The following LIX1 variants were observed in gnomAD, a reference collection of about 807,000 sequenced individuals.
The protein encoded by LIX1 is protein limb expression 1 homolog.
Under a neutral mutation model 33.4 loss-of-function variants are expected in LIX1, and 24 were observed. That is an observed-to-expected ratio of 0.72 (90% CI 0.52 to 1.01). The LOEUF (loss-of-function observed/expected upper bound fraction) is 1.01, where lower values mean the gene tolerates loss of function less well. Among genes scored for constraint, LIX1 ranks in the 50% least tolerant of loss-of-function variants. LIX1 has a pLI of 0.00. For missense variants in LIX1, 311 were observed against 339.2 expected (o/e 0.92, Z 0.65); for synonymous variants, 124 against 124.0 (o/e 1.00, Z 0.00).
At chr5:97,111,306 A>C (rs1747379487) in intron 2 of LIX1, among the ~76,000 whole-genome samples, 1 of 152,232 alleles carries the variant, frequency 6.6e-6, no homozygotes, top group Non-Finnish European at 1.5e-5. Flanking sequence ...TCGTAAAGAA[A>C]AGAATGAAAG....
rs1432572982 is a variant in LIX1, at chr5:97,142,355, C to G, written c.82+140G>C. ...ATGAAATCGTTCTTCTGGCTGAAGT[C>G]AGGAACAAGTTAAAATATCACTTAG... On this transcript the variant is annotated intron_variant, in intron 1 of 5. Coordinates refer to ENST00000274382, the MANE Select transcript of LIX1 (RefSeq NM_153234.5). 6.5e-6 allele frequency: 4 copies of G among 616,104 alleles called. No individual in the cohort carries two copies. In the East Asian group the frequency reaches 8.4e-5, roughly 13 times the overall value. The allele number at this position is 616,104 out of a possible 1,614,324, so 38.2% of individuals were successfully genotyped here. A position where few individuals can be genotyped will look rare whatever the true frequency, so the allele number is the denominator to read the frequency against.
At position 97,094,914 on chromosome 5, in the gene LIX1, G is replaced by A. The variant is rs1746292343; in HGVS notation, c.683C>T (p.Ala228Val). ...PGIVSQELRM[A>V]LRQLEEARKA... ...CCTGGCTTCCTCCAACTGCCTCAGG[G>A]CCATTCGTAGCTCTTGAGAGACAAT... Residue 228 changes from alanine (A) to valine (V), a missense_variant, in exon 6 of 6, where the codon GCC becomes GTC. Physicochemically the swap from Ala to Val is moderately conservative, Grantham distance 64 (BLOSUM62 0). Coordinates refer to ENST00000274382, the MANE Select transcript of LIX1 (RefSeq NM_153234.5). 6.2e-7 allele frequency: 1 copy of A among 1,614,016 alleles called. No homozygotes were observed. Among genetic ancestry groups the A allele is most frequent in the South Asian group, 1.1e-5 (1 of 91,088 alleles).
intron 1 of LIX1, among the ~76,000 whole-genome samples, chr5:97,135,894 A>T (rs1279159624): frequency 6.6e-6 from 1 of 152,190 alleles, no homozygotes; most frequent in Non-Finnish European, 1.5e-5. Context: ...CAACCAATAA[A>T]GGATTAGTCA....
chr5:97,105,568 A>G (rs1440089783), intron 3 of LIX1, among the ~76,000 whole-genome samples: 1 of 152,212 alleles, frequency 6.6e-6, no homozygotes, highest in African/African-American at 2.4e-5. Flanking sequence ...TAACATTTGC[A>G]TGGCTGAGCT....
At chr5:97,117,737 A>G (rs1747672031) in intron 2 of LIX1, among the ~76,000 whole-genome samples, 1 of 152,198 alleles carries the variant, frequency 6.6e-6, no homozygotes, top group Admixed American at 6.6e-5. Context: ...TAGTTTTTCT[A>G]GATATCAGCA....
At chr5:97,096,659 T>C (rs956718472) in intron 5 of LIX1, 151 bp downstream of exon 5, 6 of 619,352 alleles carry the variant, frequency 9.7e-6, no homozygotes, top group African/African-American at 7.4e-5. Context: ...GGGGCTGTTC[T>C]ATATATTTCT....
chr5:97,124,814 A>C (rs1177115504), intron 1 of LIX1, among the ~76,000 whole-genome samples, 185 bp from the exon 2 acceptor site: 1 of 152,192 alleles, frequency 6.6e-6, no homozygotes, highest in Non-Finnish European at 1.5e-5. Flanking sequence ...AATATATTTA[A>C]AGTATGTTAA....
rs1298604031 is a variant in LIX1 at position 97,092,089 on chromosome 5, G to C, written c.*2659C>G. ...GCTACCTGGGCTATGTCTGAGTTAT[G>C]TTGGATCCCTGATGTAAAGTTTGAC... On this transcript the variant is annotated 3_prime_UTR_variant, in exon 6 of 6. Coordinates refer to ENST00000274382, the MANE Select transcript of LIX1 (RefSeq NM_153234.5). The C allele has an allele frequency of 6.6e-6, 1 of 152,352 alleles. No homozygotes were observed. Among genetic ancestry groups the C allele is most frequent in the Non-Finnish European group, 1.5e-5 (1 of 68,030 alleles). The allele number at this position is 152,352 out of a possible 1,614,324, so 9.4% of individuals were successfully genotyped here.
At chr5:97,109,007 C>T (rs1747219201) in intron 2 of LIX1, among the ~76,000 whole-genome samples, 1 of 152,172 alleles carries the variant, frequency 6.6e-6, no homozygotes, top group Non-Finnish European at 1.5e-5. Flanking sequence ...TATCTGCCCT[C>T]TGTTGACTAT....
chr5:97,142,216 T>C (rs1371350677), intron 1 of LIX1, among the ~76,000 whole-genome samples: 3 of 152,188 alleles, frequency 2.0e-5, no homozygotes, highest in Admixed American at 6.5e-5. Context: ...TTAAAAAGCA[T>C]CAGAAAAAGT....
chr5:97,136,637 T>C (rs80128405), intron 1 of LIX1, among the ~76,000 whole-genome samples: 416 of 152,170 alleles, frequency 2.7e-3, no homozygotes, highest in African/African-American at 9.6e-3. Flanking sequence ...GTAAACTAAA[T>C]AGCACAGGCC....
intron 4 of LIX1, among the ~76,000 whole-genome samples, chr5:97,097,755 A>G (rs988632480): frequency 6.6e-6 from 1 of 152,230 alleles, no homozygotes; most frequent in Admixed American, 6.5e-5. Context: ...ATTAGGCTTA[A>G]TAGATCAAAT....
At chr5:97,137,267 T>C (rs1237284877) in intron 1 of LIX1, 1 of 288,862 alleles carries the variant, frequency 3.5e-6, no homozygotes, top group Non-Finnish European at 6.9e-6. Flanking sequence ...AGGTCCCAGA[T>C]TTGATCTCAC....
intron 2 of LIX1, among the ~76,000 whole-genome samples, chr5:97,121,304 C>G (rs920371375): frequency 1.4e-4 from 21 of 152,100 alleles, no homozygotes; most frequent in African/African-American, 5.1e-4. Flanking sequence ...TATGTTGGGC[C>G]ATTTCCATTT....
At chr5:97,131,986 C>T (rs549798577) in intron 1 of LIX1, among the ~76,000 whole-genome samples, 1 of 152,178 alleles carries the variant, frequency 6.6e-6, no homozygotes, top group Non-Finnish European at 1.5e-5. Context: ...TGTACCTTCA[C>T]AAGAACTAGT....
At chr5:97,131,500 A>G (rs1423960440) in intron 1 of LIX1, among the ~76,000 whole-genome samples, 2 of 152,200 alleles carry the variant, frequency 1.3e-5, no homozygotes, top group African/African-American at 4.8e-5. Context: ...GGCTAAATGT[A>G]TCCAGTCAGA....
At chr5:97,112,607 G>A (rs1335642408) in intron 2 of LIX1, among the ~76,000 whole-genome samples, 2 of 152,068 alleles carry the variant, frequency 1.3e-5, no homozygotes, top group African/African-American at 4.8e-5. Context: ...GTGCAGAGCT[G>A]GGATATTTAA....
intron 1 of LIX1, among the ~76,000 whole-genome samples, chr5:97,133,720 A>G (rs943876607): frequency 2.0e-5 from 3 of 152,242 alleles, no homozygotes; most frequent in Non-Finnish European, 4.4e-5. Flanking sequence ...ACATGTCTCA[A>G]AATTTGAAAA....
intron 1 of LIX1, among the ~76,000 whole-genome samples, chr5:97,126,532 A>T (rs1747926099): frequency 1.3e-5 from 2 of 152,112 alleles, no homozygotes; most frequent in Admixed American, 1.3e-4. Context: ...TAGTGAGGGG[A>T]TACTTGAGTT....
Sources: gnomAD v4.1 joint callset for allele counts (sites outside exome capture counted in the v4.1 genomes callset) on GRCh38, gnomAD v4.1.1 for gene constraint, MANE v1.5 for transcripts, NCBI Gene and HGNC (gene_info 2026-07-23, HGNC 2026-07-21) for gene names.